The following CNBD1 variants were observed in gnomAD, a reference collection of about 807,000 sequenced individuals.
CNBD1 encodes the protein cyclic nucleotide-binding domain-containing protein 1.
CNBD1 carries 71 observed loss-of-function variants against 54.4 expected under a neutral mutation model. That is an observed-to-expected ratio of 1.30 (90% CI 1.08 to 1.59). CNBD1 has a LOEUF of 1.59. Among genes scored for constraint, CNBD1 ranks in the 40% most tolerant of loss-of-function variants. The pLI is 0.00. For synonymous variants in CNBD1, 182 were observed against 170.7 expected (o/e 1.07, Z -0.51); for missense variants, 659 against 518.0 (o/e 1.27, Z -2.64).
chr8:87,386,173 CA>C (rs1265755094), downstream of CNBD1, among the ~76,000 whole-genome samples: 4 of 152,054 alleles, frequency 2.6e-5, no homozygotes, highest in South Asian at 6.2e-4. Flanking sequence ...AAAAACAGAG[CA>C]AAAAAACTGG....
At chr8:87,402,215 C>T (rs1586080611) in intron 2 of CNBD1, among the ~76,000 whole-genome samples, 3 of 151,790 alleles carry the variant, frequency 2.0e-5, no homozygotes, top group South Asian at 4.2e-4. Context: ...AGGAAAAACC[C>T]GCCTCCATGA....
intron 4 of CNBD1, among the ~76,000 whole-genome samples, chr8:87,059,806 G>A (rs887222781): frequency 6.6e-6 from 1 of 152,226 alleles, no homozygotes; most frequent in Non-Finnish European, 1.5e-5. Flanking sequence ...CCACATGGCA[G>A]TGCACTGTTG....
chr8:87,001,099 T>G (rs1239270804), intron 4 of CNBD1, among the ~76,000 whole-genome samples: 5 of 152,168 alleles, frequency 3.3e-5, no homozygotes, highest in African/African-American at 4.8e-5. Flanking sequence ...TCTATTATTC[T>G]CTATCTTATG....
rs373048463 is a variant in CNBD1, at chr8:87,040,486, C to T, written c.431+100732C>T. 7.6e-4 allele frequency among the ~76,000 whole-genome samples: 107 copies of T among 141,390 alleles called. 2 individuals carry two copies. In the Middle Eastern group the frequency reaches 0.034, roughly 45 times the overall value. 92.8% of individuals were successfully genotyped at this position (141,390 alleles called of 152,430 possible). A position where few individuals can be genotyped will look rare whatever the true frequency, so the allele number is the denominator to read the frequency against. On this transcript the variant is annotated intron_variant, in intron 4 of 10. Transcript: ENST00000518476. ...TCGCCCAGTCTGGAGTGCAGTGGTG[C>T]GATCTTGGCTCACTACAAGCTCCGC...
rs138400914 is a variant in CNBD1 at position 87,230,089 on chromosome 8, A to T, written c.578-6830A>T. On this transcript the variant is annotated intron_variant, in intron 5 of 10. Coordinates refer to ENST00000518476, the MANE Select transcript of CNBD1 (RefSeq NM_173538.3). ...ATGGCAGAAGGCAAAATGGGAGCCA[A>T]GACTTTATATAGCTGAGAGCAGGAG... Among the ~76,000 whole-genome samples the T allele has an allele frequency of 3.2e-3, 485 of 152,338 alleles. 3 individuals are homozygous for T. Among genetic ancestry groups the T allele is most frequent in the African/African-American group, 0.011 (467 of 41,576 alleles).
At chr8:87,133,657 T>C (rs771873830) in intron 4 of CNBD1, among the ~76,000 whole-genome samples, 8 of 151,932 alleles carry the variant, frequency 5.3e-5, no homozygotes, top group Non-Finnish European at 8.8e-5. Flanking sequence ...GCCTGAAATA[T>C]TTGCCTTCTT....
intron 10 of CNBD1, among the ~76,000 whole-genome samples, chr8:87,377,614 C>T (rs1415706132): frequency 8.6e-5 from 13 of 150,870 alleles, no homozygotes; most frequent in Non-Finnish European, 1.5e-4. Context: ...AATAAACATA[C>T]GTGTGCATGT....
intron 4 of CNBD1, among the ~76,000 whole-genome samples, chr8:87,021,795 T>C (rs1261561987): frequency 6.6e-6 from 1 of 152,040 alleles, no homozygotes; most frequent in East Asian, 1.9e-4. Context: ...AAAAATAATA[T>C]GAATAAAAAT....
intron 8 of CNBD1, among the ~76,000 whole-genome samples, chr8:87,300,701 G>GTGT (rs61665988): frequency 8.6e-5 from 13 of 152,028 alleles, no homozygotes; most frequent in Non-Finnish European, 8.8e-5. Flanking sequence ...ATATGTGTGT[G>GTGT]ATACACACAC....
chr8:87,352,941 G>C (rs1586039260), intron 9 of CNBD1, among the ~76,000 whole-genome samples: 1 of 152,190 alleles, frequency 6.6e-6, no homozygotes, highest in East Asian at 1.9e-4. Flanking sequence ...CCAAGTTCTT[G>C]CCACTTTCCT....
intron 8 of CNBD1, among the ~76,000 whole-genome samples, chr8:87,342,264 C>G (rs911699905): frequency 7.2e-6 from 1 of 138,334 alleles, no homozygotes; most frequent in African/African-American, 2.9e-5. Flanking sequence ...CAGAGCAAGA[C>G]TCCATCTCAA....
intron 5 of CNBD1, among the ~76,000 whole-genome samples, chr8:87,211,715 A>G (rs1419854469): frequency 6.6e-6 from 1 of 152,144 alleles, no homozygotes; most frequent in Non-Finnish European, 1.5e-5. Context: ...TCAGAAGCTG[A>G]GCAGATACCA....
At chr8:87,226,098 ATT>A (rs1325397991) in intron 5 of CNBD1, among the ~76,000 whole-genome samples, 2 of 151,884 alleles carry the variant, frequency 1.3e-5, no homozygotes, top group African/African-American at 4.8e-5. Context: ...CCCCTTTACC[ATT>A]TTTTATTGCA....
intron 6 of CNBD1, among the ~76,000 whole-genome samples, chr8:87,261,525 T>C (rs1318748799): frequency 1.4e-5 from 1 of 73,694 alleles, no homozygotes; most frequent in African/African-American, 5.4e-5. Context: ...GTTTTATTTA[T>C]AGACAAAAAA....
Position 87,166,390 on chromosome 8 carries a change from G to T in CNBD1, c.432-39603G>T, listed in dbSNP as rs938219331. On this transcript the variant is annotated intron_variant, in intron 4 of 10. Coordinates refer to ENST00000518476, the MANE Select transcript of CNBD1 (RefSeq NM_173538.3). The surrounding 1 kb of genome is among the most constrained non-coding windows in gnomAD (Gnocchi z 4.3). ...TGATACTTCAATAGCCTCCTTGGCA[G>T]GTTTGTATCTTCCACTACTTCTGCA... 6.6e-6 allele frequency among the ~76,000 whole-genome samples: 1 copy of T among 151,902 alleles called. No homozygotes were observed. Among genetic ancestry groups the T allele is most frequent in the Admixed American group, 6.6e-5 (1 of 15,206 alleles).
At chr8:87,243,663 C>T (rs1310615471) in intron 6 of CNBD1, among the ~76,000 whole-genome samples, 3 of 151,840 alleles carry the variant, frequency 2.0e-5, no homozygotes, top group African/African-American at 7.3e-5. Context: ...TGCAACACAA[C>T]TACTATAAAA....
At chr8:87,199,273 G>A (rs916911604) in intron 4 of CNBD1, among the ~76,000 whole-genome samples, 6 of 152,160 alleles carry the variant, frequency 3.9e-5, no homozygotes, top group African/African-American at 1.2e-4. Context: ...CAGAGATTCT[G>A]GAATTGAAAA....
intron 5 of CNBD1, among the ~76,000 whole-genome samples, chr8:87,221,105 C>G (rs188821010): frequency 5.3e-4 from 81 of 152,116 alleles, no homozygotes; most frequent in Non-Finnish European, 9.7e-4. Flanking sequence ...AGTGTTCTCT[C>G]TTGGATAATG....
intron 4 of CNBD1, among the ~76,000 whole-genome samples, chr8:87,066,332 CAT>C (rs1810653247): frequency 7.1e-6 from 1 of 140,808 alleles, no homozygotes; most frequent in Non-Finnish European, 1.6e-5. Context: ...TCAGATGTTA[CAT>C]AGTTACACTA....
Sources: allele counts gnomAD v4.1 joint callset (sites outside exome capture counted in the v4.1 genomes callset), GRCh38; gene constraint gnomAD v4.1.1; non-coding constraint Gnocchi (gnomAD v3.1); transcripts MANE v1.5; gene names NCBI Gene and HGNC (gene_info 2026-07-23, HGNC 2026-07-21).